The following DCC variants were observed in gnomAD, a reference collection of about 807,000 sequenced individuals.
DCC encodes DCC netrin 1 receptor.
DCC carries 58 observed loss-of-function variants against 172.5 expected under a neutral mutation model. That is an observed-to-expected ratio of 0.34 (90% CI 0.27 to 0.42). The LOEUF is 0.42. Among genes scored for constraint, DCC ranks in the 10% least tolerant of loss-of-function variants. The probability of loss-of-function intolerance (pLI) is 1.00; values close to 1 mark genes in which losing one functional copy is unlikely to be tolerated. For synonymous variants in DCC, 709 were observed against 644.5 expected, an observed-to-expected ratio of 1.10 and a Z score of -1.52; for missense variants, 1,740 against 1,791.0, an observed-to-expected ratio of 0.97 and a Z score of 0.51.
intron 13 of DCC, among the ~76,000 whole-genome samples, chr18:53,315,312 A>G (rs1184497511): frequency 6.6e-6 from 1 of 152,202 alleles, no homozygotes; most frequent in Non-Finnish European, 1.5e-5. Context: ...TTACGGCTGC[A>G]TAGTATTCCA....
intron 1 of DCC, among the ~76,000 whole-genome samples, chr18:52,679,067 G>T (rs774400494): frequency 5.3e-5 from 8 of 151,972 alleles, no homozygotes; most frequent in Non-Finnish European, 1.2e-4. Flanking sequence ...CAGTTGAAAT[G>T]GTTGGTAGTC....
intron 2 of DCC, among the ~76,000 whole-genome samples, chr18:52,873,304 C>T (rs752230150): frequency 1.2e-4 from 18 of 152,202 alleles, no homozygotes; most frequent in Middle Eastern, 3.4e-3. Flanking sequence ...CTCTTTCATC[C>T]GGCAAAGAGC....
chr18:52,457,437 G>A (rs1276012074), intron 1 of DCC, among the ~76,000 whole-genome samples: 6 of 152,192 alleles, frequency 3.9e-5, no homozygotes, highest in Admixed American at 3.3e-4. Context: ...AAGATTTAGA[G>A]ATGATGGGCA....
chr18:52,456,639 G>A (rs1443608552), intron 1 of DCC, among the ~76,000 whole-genome samples: 1 of 152,234 alleles, frequency 6.6e-6, no homozygotes, highest in African/African-American at 2.4e-5. Flanking sequence ...ACTTATTGTT[G>A]TTTGAAGATA....
intron 15 of DCC, among the ~76,000 whole-genome samples, chr18:53,351,018 T>C (rs1358725358): frequency 2.0e-5 from 3 of 149,646 alleles, no homozygotes; most frequent in African/African-American, 7.6e-5. Context: ...ATGGATTTTC[T>C]CTTTTATGAT....
intron 1 of DCC, among the ~76,000 whole-genome samples, chr18:52,518,980 G>A (rs1488091000): frequency 2.0e-5 from 3 of 152,166 alleles, no homozygotes; most frequent in African/African-American, 7.2e-5. Flanking sequence ...TGCTAACCAT[G>A]TCCTCTGAGT....
intron 27 of DCC, among the ~76,000 whole-genome samples, chr18:53,520,565 G>C (rs2046388599): frequency 6.6e-6 from 1 of 151,982 alleles, no homozygotes; most frequent in Non-Finnish European, 1.5e-5. Flanking sequence ...TTTATGCTTG[G>C]TGAGCTACAA....
intron 1 of DCC, among the ~76,000 whole-genome samples, chr18:52,497,260 CAAAAAAAAA>C (rs111476286): frequency 0.044 from 2,382 of 53,834 alleles, 212 homozygotes; most frequent in African/African-American, 0.078. Context: ...GACCCTGTAT[CAAAAAAAAA>C]AAAAAAAAAA....
At chr18:52,638,749 G>A (rs938214432) in intron 1 of DCC, among the ~76,000 whole-genome samples, 9 of 151,996 alleles carry the variant, frequency 5.9e-5, no homozygotes, top group Non-Finnish European at 1.2e-4. Flanking sequence ...CAGCAACACA[G>A]TAATAGTCAG....
In DCC at chr18:52,511,352, T is replaced by C. The variant is rs79854854; in HGVS notation, c.91+170474T>C. Among the ~76,000 whole-genome samples, 1,443 of 151,564 alleles carry C rather than the reference T, an allele frequency of 9.5e-3. 32 individuals carry two copies. The highest frequency in any genetic ancestry group is 0.033 in the African/African-American group (1,354 of 41,268). ...GAGCCTGGTTTGATAAGGGGAATTATGTAGATAAAAGCTCTGGGAAATAAT... is the reference window on the plus strand; with the variant it reads ...GAGCCTGGTTTGATAAGGGGAATTACGTAGATAAAAGCTCTGGGAAATAAT... On this transcript the variant is annotated intron_variant, in intron 1 of 28. Transcript: ENST00000442544.
At chr18:52,513,011 T>A (rs1054702940) in intron 1 of DCC, among the ~76,000 whole-genome samples, 7 of 152,070 alleles carry the variant, frequency 4.6e-5, no homozygotes, top group Non-Finnish European at 1.0e-4. Flanking sequence ...AAAATATAGA[T>A]CCTTGTGGGC....
chr18:52,486,936 T>C (rs548984755), intron 1 of DCC, among the ~76,000 whole-genome samples: 2 of 152,266 alleles, frequency 1.3e-5, no homozygotes, highest in Admixed American at 6.5e-5. Flanking sequence ...TTGTTCTCTG[T>C]AGGGAACAAG....
intron 1 of DCC, among the ~76,000 whole-genome samples, chr18:52,684,850 A>T (rs1244495959): frequency 6.6e-6 from 1 of 152,144 alleles, no homozygotes; most frequent in Non-Finnish European, 1.5e-5. Flanking sequence ...AAGTGAACTT[A>T]TGTTTTTATG....
intron 1 of DCC, among the ~76,000 whole-genome samples, chr18:52,690,920 TC>T (rs1443566432): frequency 6.6e-6 from 1 of 152,046 alleles, no homozygotes; most frequent in Non-Finnish European, 1.5e-5. Flanking sequence ...GTGTCAGAAG[TC>T]AGGTGCTCAG....
intron 5 of DCC, among the ~76,000 whole-genome samples, chr18:52,962,166 C>A (rs2145570160): frequency 6.6e-6 from 1 of 151,108 alleles, no homozygotes; most frequent in African/African-American, 2.4e-5. Context: ...TCAGAGTGAA[C>A]AGGCAACCTA....
In DCC at chr18:53,175,192, T is replaced by C. The variant is rs549058933; in HGVS notation, c.1419-3770T>C. ...GGACATATTTCCAAATAATAAGAGC[T>C]ATCTATGACAAACCCACAGCCAATA... On this transcript the variant is annotated intron_variant, in intron 8 of 28. Coordinates refer to ENST00000442544, the MANE Select transcript of DCC (RefSeq NM_005215.4). Among the ~76,000 whole-genome samples the C allele has an allele frequency of 3.3e-5, 5 of 152,254 alleles. No individual in the cohort carries two copies. In the South Asian group the frequency reaches 1.0e-3, roughly 32 times the overall value.
chr18:53,300,520 T>A (rs573687221), intron 12 of DCC, among the ~76,000 whole-genome samples: 1 of 152,162 alleles, frequency 6.6e-6, no homozygotes, highest in Admixed American at 6.5e-5. Context: ...TCTGCCTTAT[T>A]TCTCGCATTA....
chr18:52,894,420 T>C (rs1432526851), intron 2 of DCC, among the ~76,000 whole-genome samples: 2 of 144,878 alleles, frequency 1.4e-5, no homozygotes, highest in African/African-American at 2.5e-5. Flanking sequence ...CACACACACA[T>C]GCATACACAC....
At chr18:52,864,745 C>A (rs2039194363) in intron 2 of DCC, among the ~76,000 whole-genome samples, 1 of 150,516 alleles carries the variant, frequency 6.6e-6, no homozygotes, top group African/African-American at 2.4e-5. Flanking sequence ...CATGTGTTTT[C>A]ATTGTTCAAC....
Sources: allele counts gnomAD v4.1 joint callset (sites outside exome capture counted in the v4.1 genomes callset), GRCh38; gene constraint gnomAD v4.1.1; transcripts MANE v1.5; gene names NCBI Gene and HGNC (gene_info 2026-07-23, HGNC 2026-07-21).